ZNF516: variants seen among roughly 807,000 people sequenced by gnomAD.
ZNF516 encodes zinc finger protein 516.
A neutral mutation model predicts 79.7 loss-of-function variants in ZNF516; 19 were observed. That is an observed-to-expected ratio of 0.24 (90% CI 0.17 to 0.35). The LOEUF is 0.35. Ranked by LOEUF, ZNF516 falls within the 10% of genes least tolerant of loss-of-function variation. The pLI is 1.00. For missense variants in ZNF516, 1,678 were observed against 1,679.5 expected (o/e 1.00, Z 0.02); for synonymous variants, 877 against 739.5 (o/e 1.19, Z -3.02).
At chr18:76,388,893 C>G (rs1367475677) in intron 3 of ZNF516, 1 of 152,340 alleles carries the variant, frequency 6.6e-6, no homozygotes, top group Non-Finnish European at 1.5e-5. Flanking sequence ...TCTCTTCACA[C>G]TGGGCGGCAG....
At chr18:76,399,912 G>A (rs1032368363) in intron 3 of ZNF516, among the ~76,000 whole-genome samples, 1 of 152,168 alleles carries the variant, frequency 6.6e-6, no homozygotes, top group Non-Finnish European at 1.5e-5. Context: ...TGGATGAAAT[G>A]GAAACTGCTA....
chr18:76,396,858 C>A (rs980907736), intron 3 of ZNF516, among the ~76,000 whole-genome samples: 9 of 152,106 alleles, frequency 5.9e-5, no homozygotes, highest in Non-Finnish European at 7.3e-5. Context: ...AGAAAATGCA[C>A]GAGGAAAAGT....
chr18:76,405,235 CTG>C (rs199948342), intron 3 of ZNF516, among the ~76,000 whole-genome samples: 1 of 138,690 alleles, frequency 7.2e-6, no homozygotes, highest in Non-Finnish European at 1.7e-5. Flanking sequence ...ATCAGACAGA[CTG>C]TGTCTTTTTT....
intron 2 of ZNF516, among the ~76,000 whole-genome samples, chr18:76,458,665 TCAC>T (rs1912887331): frequency 6.8e-6 from 1 of 146,594 alleles, no homozygotes; most frequent in South Asian, 2.2e-4. Context: ...TGTGCGTGCC[TCAC>T]CGTCGTGTGT....
Position 76,367,883 on chromosome 18 carries a change from C to T in ZNF516, c.3432+2645G>A, listed in dbSNP as rs567906626. ...ATACTGTTTCAATTACATAATGTAG[C>T]ATCTATTATGTATATCTATAAAAGT... On this transcript the variant is annotated intron_variant, in intron 6 of 6. Coordinates refer to ENST00000443185, the MANE Select transcript of ZNF516 (RefSeq NM_014643.4). Among the ~76,000 whole-genome samples, 10 of 152,252 alleles carry T rather than the reference C, an allele frequency of 6.6e-5. No individual in the cohort carries two copies. In the South Asian group the frequency reaches 1.5e-3, roughly 22 times the overall value.
intron 2 of ZNF516, among the ~76,000 whole-genome samples, chr18:76,444,264 C>T (rs1474143422): frequency 6.6e-6 from 1 of 152,160 alleles, no homozygotes; most frequent in Admixed American, 6.5e-5. Context: ...GACAACTCCC[C>T]GGGGACAGGC....
Position 76,359,681 on chromosome 18 carries a change from AC to A in ZNF516, c.*2816del, listed in dbSNP as rs1167139821. ...GAGAAGCTGCAGTGTAGACAACCAAACCCTTTATTGTCTAAGTTACATTAGA... is the reference window on the plus strand; with the variant it reads ...GAGAAGCTGCAGTGTAGACAACCAAACCTTTATTGTCTAAGTTACATTAGA... On this transcript the variant is annotated 3_prime_UTR_variant, in exon 7 of 7. Coordinates refer to ENST00000443185, the MANE Select transcript of ZNF516 (RefSeq NM_014643.4). The A allele has an allele frequency of 6.6e-6, 1 of 151,988 alleles. No homozygotes were observed. Among genetic ancestry groups the A allele is most frequent in the Non-Finnish European group, 1.5e-5 (1 of 67,992 alleles). The allele number at this position is 151,988 out of a possible 1,614,324, so 9.4% of individuals were successfully genotyped here. A position where few individuals can be genotyped will look rare whatever the true frequency, so the allele number is the denominator to read the frequency against.
intron 3 of ZNF516, among the ~76,000 whole-genome samples, chr18:76,400,979 A>G (rs2075211574): frequency 6.6e-6 from 1 of 152,166 alleles, no homozygotes; most frequent in South Asian, 2.1e-4. Context: ...CAATATATAT[A>G]TATATACATT....
At chr18:76,412,209 G>A (rs1029804072) in intron 3 of ZNF516, among the ~76,000 whole-genome samples, 2 of 152,170 alleles carry the variant, frequency 1.3e-5, no homozygotes, top group African/African-American at 2.4e-5. Context: ...TCCTAAGTCC[G>A]GGACCAAGAC....
intron 3 of ZNF516, among the ~76,000 whole-genome samples, chr18:76,409,368 C>T (rs545763320): frequency 5.9e-5 from 9 of 151,972 alleles, no homozygotes; most frequent in Non-Finnish European, 1.0e-4. Context: ...TAATCAAATT[C>T]GATTTCTTAA....
At position 76,368,170 on chromosome 18, in the gene ZNF516, T is replaced by A. The variant is rs574346842; in HGVS notation, c.3432+2358A>T. Among the ~76,000 whole-genome samples the A allele has an allele frequency of 1.7e-3, 264 of 152,292 alleles. 3 individuals carry two copies. The South Asian group carries it at 0.021, about 12-fold the overall frequency. On this transcript the variant is annotated intron_variant, in intron 6 of 6. Coordinates refer to ENST00000443185, the MANE Select transcript of ZNF516 (RefSeq NM_014643.4). Reference sequence around the variant, plus strand: ...CTTAAATTTAACACAGCTATTGTGGTTTCTGTAAACAATGAGAATTATAGG... The same window carrying A: ...CTTAAATTTAACACAGCTATTGTGGATTCTGTAAACAATGAGAATTATAGG...
chr18:76,377,961 C>CCA (rs1212832454), intron 4 of ZNF516: 3 of 152,182 alleles, frequency 2.0e-5, no homozygotes, highest in Admixed American at 6.5e-5. Context: ...CGTGATCCGC[C>CCA]CACCTCGGCC....
intron 3 of ZNF516, among the ~76,000 whole-genome samples, chr18:76,432,066 T>C (rs2075667997): frequency 1.3e-5 from 2 of 152,186 alleles, no homozygotes; most frequent in African/African-American, 4.8e-5. Flanking sequence ...TTGGAGATAG[T>C]CTCTGCAGAT....
chr18:76,410,025 T>C (rs1049639754), intron 3 of ZNF516, among the ~76,000 whole-genome samples: 6 of 152,168 alleles, frequency 3.9e-5, no homozygotes, highest in Non-Finnish European at 7.4e-5. Flanking sequence ...CCCACCGCCA[T>C]GTAAGATGTG....
chr18:76,366,230 G>A (rs577847581), intron 6 of ZNF516, among the ~76,000 whole-genome samples: 129 of 152,194 alleles, frequency 8.5e-4, no homozygotes, highest in Non-Finnish European at 1.4e-3. Flanking sequence ...CCTGGCCCTC[G>A]TGCCTGTTGA....
In ZNF516 at chr18:76,441,625, G is replaced by T. The variant is rs1267284523; in HGVS notation, c.1430C>A (p.Pro477Gln). Residue 477 changes from proline to glutamine, a missense_variant, in exon 3 of 7, where the codon CCG becomes CAG. By Grantham distance (76) the Pro-to-Gln change is moderately conservative (BLOSUM62 -1). Coordinates refer to ENST00000443185, the MANE Select transcript of ZNF516 (RefSeq NM_014643.4). ...CCCAGGCCCGCTCGCGCGCTTCCGC[G>T]GGGGCCCCTGCGCGGCTGGTGCATC... ...EQDAPAAQGP[P>Q]RKRASGPGDP... 6.6e-7 allele frequency: 1 copy of T among 1,512,512 alleles called. No homozygotes were observed. The highest frequency in any genetic ancestry group is 2.1e-5 in the Admixed American group (1 of 46,984). The allele number at this position is 1,512,512 out of a possible 1,614,324, so 93.7% of individuals were successfully genotyped here.
intron 1 of ZNF516, among the ~76,000 whole-genome samples, chr18:76,475,029 T>C (rs1914094043): frequency 6.6e-6 from 1 of 152,222 alleles, no homozygotes; most frequent in African/African-American, 2.4e-5. Context: ...ACACCTGAAA[T>C]CTTTCACACA....
At chr18:76,417,015 T>C (rs1038244448) in intron 3 of ZNF516, among the ~76,000 whole-genome samples, 1 of 152,170 alleles carries the variant, frequency 6.6e-6, no homozygotes, top group Non-Finnish European at 1.5e-5. Flanking sequence ...ACTTGGAGAA[T>C]ACAGGGTCAG....
chr18:76,386,155 T>C (rs1434849087), intron 3 of ZNF516: 1 of 152,268 alleles, frequency 6.6e-6, no homozygotes, highest in African/African-American at 2.4e-5. Context: ...TCTGCCCACC[T>C]GGCCTCTCTG....
Sources: gnomAD v4.1 joint callset for allele counts (sites outside exome capture counted in the v4.1 genomes callset) on GRCh38, gnomAD v4.1.1 for gene constraint, MANE v1.5 for transcripts, NCBI Gene and HGNC (gene_info 2026-07-23, HGNC 2026-07-21) for gene names.